Variants in NUDC observed in about 807,000 individuals in gnomAD.
NUDC encodes the protein nuclear migration protein nudC.
A neutral mutation model predicts 45.0 loss-of-function variants in NUDC; 14 were observed. The observed-to-expected ratio is 0.31, with a 90% CI of 0.21 to 0.49. NUDC has a LOEUF of 0.49. Among genes scored for constraint, NUDC ranks in the 20% least tolerant of loss-of-function variants. The pLI is 0.99. For synonymous variants in NUDC, 153 were observed against 156.7 expected, an observed-to-expected ratio of 0.98 and a Z score of 0.17; for missense variants, 323 against 426.2, an observed-to-expected ratio of 0.76 and a Z score of 2.13.
chr1:26,938,988 A>G (rs1467174859), intron 2 of NUDC, among the ~76,000 whole-genome samples: 1 of 152,164 alleles, frequency 6.6e-6, no homozygotes, highest in Non-Finnish European at 1.5e-5. Flanking sequence ...GGCAAAGAAC[A>G]ACACATGCCA....
At position 26,946,549 on chromosome 1, in the gene NUDC, TTAAAGA is replaced by T. The variant is rs2082319096; in HGVS notation, c.*370_*375del. On this transcript the variant is annotated 3_prime_UTR_variant, in exon 9 of 9. Coordinates refer to ENST00000321265, the MANE Select transcript of NUDC (RefSeq NM_006600.4). ...TCTCTGGGCCTCAGTTTCTCATTACTTAAAGATTAAAACAAGGCTTGGCCGGGTGTG... is the reference window on the plus strand; with the variant it reads ...TCTCTGGGCCTCAGTTTCTCATTACTTTAAAACAAGGCTTGGCCGGGTGTG... 1.5e-5 allele frequency: 5 copies of T among 338,310 alleles called. No individual in the cohort carries two copies. In the East Asian group the frequency reaches 3.7e-4, roughly 25 times the overall value. 21.0% of individuals were successfully genotyped at this position (338,310 alleles called of 1,614,324 possible).
chr1:26,934,936 C>T lies in NUDC; in HGVS notation c.160-6521C>T, dbSNP rs187796557. Among the ~76,000 whole-genome samples the T allele has an allele frequency of 3.2e-4, 49 of 151,632 alleles. 2 individuals are homozygous for T. The East Asian group carries it at 4.7e-3, about 14-fold the overall frequency. ...CCTCCCAAAGTGCTGGGATTACAGG[C>T]GTGAACCACCGCGCCCGGCCAGGAC... is the stretch of plus-strand genomic sequence containing the variant. On this transcript the variant is annotated intron_variant, in intron 2 of 8. Coordinates refer to ENST00000321265, the MANE Select transcript of NUDC (RefSeq NM_006600.4).
At chr1:26,916,675 C>T (rs1354725276) in intron 3 of NUDC, among the ~76,000 whole-genome samples, 1 of 151,918 alleles carries the variant, frequency 6.6e-6, no homozygotes, top group Non-Finnish European at 1.5e-5. Flanking sequence ...AAACCAAGAA[C>T]TGGCCGGGCA....
rs780248875 is a variant in NUDC, at chr1:26,924,146, G to A, written c.139G>A (p.Glu47Lys). The A allele has an allele frequency of 2.5e-6, 4 of 1,614,104 alleles. No homozygotes were observed. The highest frequency in any genetic ancestry group is 1.1e-5 in the South Asian group (1 of 91,088). Reference protein sequence around the residue: ...RRKTDFFIGGEEGMAEKLITQ... With the variant: ...RRKTDFFIGGKEGMAEKLITQ... ...CAAAACAGACTTTTTCATTGGAGGA[G>A]AAGAAGGGATGGCAGAGAAGGTAAG... The change falls in exon 2 of 9, where the codon GAA (glutamate) becomes AAA (lysine). Residue 47 changes from glutamate to lysine, a missense_variant. Glu to Lys is a moderately conservative substitution (Grantham distance 56). Around this residue, in one of 3 missense-constraint regions of NUDC, gnomAD observed 245 missense variants for 278.8 expected, o/e 0.88. Coordinates refer to ENST00000321265, the MANE Select transcript of NUDC (RefSeq NM_006600.4).
chr1:26,926,178 G>T (rs114736282), intron 2 of NUDC, among the ~76,000 whole-genome samples: 2 of 152,176 alleles, frequency 1.3e-5, no homozygotes, highest in Non-Finnish European at 2.9e-5. Flanking sequence ...ACCACGCCCG[G>T]CGCCATTATC....
At chr1:26,907,454 G>A (rs2082007280) in intron 2 of NUDC, among the ~76,000 whole-genome samples, 1 of 152,114 alleles carries the variant, frequency 6.6e-6, no homozygotes, top group Non-Finnish European at 1.5e-5. Flanking sequence ...CTAGTACAGG[G>A]GTTGGTACAA....
At chr1:26,932,287 CT>C (rs2082190109) in intron 2 of NUDC, among the ~76,000 whole-genome samples, 1 of 151,798 alleles carries the variant, frequency 6.6e-6, no homozygotes, top group Non-Finnish European at 1.5e-5. Flanking sequence ...AGCGATTCTC[CT>C]GCCTCAGCCT....
intron 1 of NUDC, among the ~76,000 whole-genome samples, chr1:26,900,911 G>T (rs1415685955): frequency 6.6e-6 from 1 of 152,184 alleles, no homozygotes; most frequent in African/African-American, 2.4e-5. Context: ...AATTTACAAT[G>T]AAAGTGCTAT....
rs2082113417 is a variant in NUDC at position 26,924,212 on chromosome 1, G to C, written c.159+46G>C. The C allele has an allele frequency of 3.2e-6, 5 of 1,540,070 alleles. No homozygotes were observed. The Admixed American group carries it at 8.4e-5, about 26-fold the overall frequency. ...TCCTTTGGGCGGCTCTGTCTCTTCA[G>C]AAGAAAAGCTCACCTGGCCTTTCTT... On this transcript the variant is annotated intron_variant, in intron 2 of 8. Coordinates refer to ENST00000321265, the MANE Select transcript of NUDC (RefSeq NM_006600.4).
At chr1:26,936,148 TATATATATATATATATA>T (rs1171527082) in intron 2 of NUDC, among the ~76,000 whole-genome samples, 3 of 10,016 alleles carry the variant, frequency 3.0e-4, no homozygotes, top group Non-Finnish European at 5.3e-4. Context: ...TATATATATA[TATATATATATATATATA>T]TTTTTTTTTT....
rs1223673219 is a variant in NUDC at position 26,900,574 on chromosome 1, G to A, written c.-101+174G>A. 6.8e-6 allele frequency: 5 copies of A among 730,160 alleles called. No individual in the cohort carries two copies. The Admixed American group carries it at 1.2e-4, about 17-fold the overall frequency. The allele number at this position is 730,160 out of a possible 1,614,324, so 45.2% of individuals were successfully genotyped here. ...GATTGGGGTTGTGGAACCTGGAGCT[G>A]GAAGATCCGAAGTCTTCTGTGTTCC... On this transcript the variant is annotated intron_variant, in intron 1 of 6. Transcript: ENST00000435827.
At chr1:26,938,183 C>T (rs2082249417) in intron 2 of NUDC, among the ~76,000 whole-genome samples, 1 of 152,178 alleles carries the variant, frequency 6.6e-6, no homozygotes, top group East Asian at 1.9e-4. Flanking sequence ...TAAGCTTCCA[C>T]AACCCTGGGG....
intron 2 of NUDC, among the ~76,000 whole-genome samples, chr1:26,931,606 C>G (rs1278594317): frequency 6.7e-6 from 1 of 149,990 alleles, no homozygotes; most frequent in Non-Finnish European, 1.5e-5. Context: ...CGGTGAAACC[C>G]TGTCTCTACT....
upstream of NUDC, among the ~76,000 whole-genome samples, chr1:26,917,770 C>G (rs569604518): frequency 2.2e-4 from 34 of 152,004 alleles, no homozygotes; most frequent in African/African-American, 7.7e-4. Flanking sequence ...CCTGTAATCC[C>G]AGCTACTTGG....
At chr1:26,923,736 T>C (rs1228152966) in intron 1 of NUDC, among the ~76,000 whole-genome samples, 2 of 152,176 alleles carry the variant, frequency 1.3e-5, no homozygotes, top group Non-Finnish European at 2.9e-5. Flanking sequence ...CCTCCTGAAG[T>C]ACTGGGATTA....
intron 1 of NUDC, among the ~76,000 whole-genome samples, chr1:26,901,579 A>AT (rs2124041714): frequency 6.6e-6 from 1 of 151,338 alleles, no homozygotes; most frequent in East Asian, 1.9e-4. Flanking sequence ...TAATTTTTGT[A>AT]TTTTTAGTAG....
At chr1:26,938,789 T>C (rs1165421205) in intron 2 of NUDC, among the ~76,000 whole-genome samples, 3 of 152,170 alleles carry the variant, frequency 2.0e-5, no homozygotes, top group East Asian at 1.9e-4. Context: ...ACTGATCACA[T>C]GGCAAGTGCC....
chr1:26,925,109 G>A (rs1415976710), intron 2 of NUDC, among the ~76,000 whole-genome samples: 1 of 151,018 alleles, frequency 6.6e-6, no homozygotes, highest in Non-Finnish European at 1.5e-5. Context: ...TCGAACCCCT[G>A]ACCTCAAGTG....
At chr1:26,909,713 G>T (rs1189028617) in intron 2 of NUDC, among the ~76,000 whole-genome samples, 10 of 152,072 alleles carry the variant, frequency 6.6e-5, no homozygotes, top group Admixed American at 6.6e-4. Context: ...TGAAAGAGTG[G>T]TCTCATGTGT....
Sources: gnomAD v4.1 joint callset for allele counts (sites outside exome capture counted in the v4.1 genomes callset) on GRCh38, gnomAD v4.1.1 for gene constraint, gnomAD v4.1.1 regional missense constraint, MANE v1.5 for transcripts, NCBI Gene and HGNC (gene_info 2026-07-23, HGNC 2026-07-21) for gene names.